Variants in SLFN12L observed in about 807,000 individuals in gnomAD.
The protein encoded by SLFN12L is schlafen family member 12 like, also known as schlafen family member 12-like.
A neutral mutation model predicts 34.8 loss-of-function variants in SLFN12L; 34 were observed. That is an observed-to-expected ratio of 0.98 (90% CI 0.74 to 1.30). The LOEUF is 1.30. Ranked by LOEUF, SLFN12L falls within the 50% of genes most tolerant of loss-of-function variation. SLFN12L has a pLI of 0.00. For synonymous variants in SLFN12L, 259 were observed against 247.5 expected (o/e 1.05, Z -0.44); for missense variants, 703 against 696.2 (o/e 1.01, Z -0.11).
At chr17:35,492,959 G>GGA (rs1567662506) in intron 2 of SLFN12L, among the ~76,000 whole-genome samples, 8 of 73,410 alleles carry the variant, frequency 1.1e-4, no homozygotes, top group African/African-American at 6.9e-4. Flanking sequence ...TCCCTTAGGG[G>GGA]AAAAAAAAAA....
Position 35,475,027 on chromosome 17 carries a change from C to T in SLFN12L, c.1735G>A (p.Ala579Thr), listed in dbSNP as rs1190973475. 1.9e-6 allele frequency: 3 copies of T among 1,603,054 alleles called. No homozygotes were observed. Among genetic ancestry groups the T allele is most frequent in the East Asian group, 4.5e-5 (2 of 44,558 alleles). Residue 579 changes from alanine to threonine, a missense_variant, in exon 5 of 5, where the codon GCC becomes ACC. Physicochemically the swap from Ala to Thr is moderately conservative, Grantham distance 58. Coordinates refer to ENST00000628453, the MANE Select transcript of SLFN12L (RefSeq NM_001363830.2). ...TAQTMKDLEK[A>T]LSNILPKENQ... ...TCCTTAGGTAAGATATTTGAAAGGG[C>T]CTTTTCCAAGTCTTTCATTGTTTGA...
At chr17:35,476,508 AGG>A (rs1414493811) in intron 4 of SLFN12L, among the ~76,000 whole-genome samples, 5 of 146,360 alleles carry the variant, frequency 3.4e-5, no homozygotes, top group African/African-American at 7.6e-5. Context: ...GAAGGAAGGA[AGG>A]AAGGAAGGAA....
At chr17:35,510,833 C>CAAA (rs34262146) in intron 2 of SLFN12L, among the ~76,000 whole-genome samples, 16,405 of 139,392 alleles carry the variant, frequency 0.12, 984 homozygotes, top group East Asian at 0.21. Flanking sequence ...GAATTCACAG[C>CAAA]AAAAAAAAAA....
chr17:35,528,022 C>G (rs967375360), intron 1 of SLFN12L, among the ~76,000 whole-genome samples: 6 of 152,234 alleles, frequency 3.9e-5, no homozygotes, highest in African/African-American at 7.2e-5. Flanking sequence ...GATACAAAAT[C>G]AATGTGCTAA....
At position 35,479,193 on chromosome 17, in the gene SLFN12L, G is replaced by C; in HGVS notation, c.1089C>G (p.Ser363=). 1 of 1,580,752 alleles carries C rather than the reference G, an allele frequency of 6.3e-7. No homozygotes were observed. Among genetic ancestry groups the C allele is most frequent in the Admixed American group, 1.8e-5 (1 of 55,040 alleles). The change falls in exon 3 of 5, where the codon TCC becomes TCG. Residue 363 remains serine, a synonymous_variant. Transcript: ENST00000628453. ...TAACTCTGTTATCTTTCACGTGCCA[G>C]GAATCAGGCTTTTTAGCAAACACTG... ...CCAVFAKKPD[S]WHVKDNRVKQ...
intron 1 of SLFN12L, among the ~76,000 whole-genome samples, chr17:35,531,778 G>A (rs1404490829): frequency 6.6e-6 from 1 of 151,730 alleles, no homozygotes; most frequent in Non-Finnish European, 1.5e-5. Context: ...CACCACGCCT[G>A]GCTAACTTTT....
intron 2 of SLFN12L, among the ~76,000 whole-genome samples, chr17:35,508,114 C>G (rs113463530): frequency 0.012 from 1,768 of 152,326 alleles, 14 homozygotes; most frequent in Non-Finnish European, 0.017. Flanking sequence ...GTGAAAATCC[C>G]TGTCCTGTTC....
intron 1 of SLFN12L, among the ~76,000 whole-genome samples, chr17:35,530,526 AG>A (rs1567694748): frequency 3.9e-4 from 18 of 46,568 alleles, no homozygotes; most frequent in Non-Finnish European, 5.8e-4. Flanking sequence ...AGAAAAGAAA[AG>A]AAAAGAAAAG....
At chr17:35,481,855 T>C (rs1025954489) in intron 2 of SLFN12L, among the ~76,000 whole-genome samples, 12 of 151,886 alleles carry the variant, frequency 7.9e-5, no homozygotes, top group African/African-American at 2.4e-4. Flanking sequence ...TGTTGTTTGT[T>C]TTTTGTTTTT....
At chr17:35,536,822 T>A (rs1189525650) in intron 1 of SLFN12L, among the ~76,000 whole-genome samples, 2 of 140,282 alleles carry the variant, frequency 1.4e-5, no homozygotes, top group South Asian at 2.3e-4. Context: ...AAAAAAAAAA[T>A]AAGAAAAATA....
chr17:35,537,420 C>G (rs1002655302), intron 1 of SLFN12L, among the ~76,000 whole-genome samples, 153 bp downstream of exon 1: 8 of 152,342 alleles, frequency 5.3e-5, no homozygotes, highest in Middle Eastern at 3.4e-3. Context: ...CCTAAAGTGT[C>G]TACTTCATCC....
intron 2 of SLFN12L, among the ~76,000 whole-genome samples, chr17:35,492,333 CTT>C (rs376840881): frequency 1.3e-3 from 202 of 152,260 alleles, no homozygotes; most frequent in Middle Eastern, 0.01. Flanking sequence ...GGTTGGGTGA[CTT>C]AGCCCCAAGG....
At chr17:35,491,055 C>T in intron 2 of SLFN12L, 1 of 786,072 alleles carries the variant, frequency 1.3e-6, no homozygotes, top group South Asian at 1.3e-5. Context: ...GACCAAATTC[C>T]TTCTAATCCT....
rs567017418 is a variant in SLFN12L, at chr17:35,512,369, T to C, written c.86+9910A>G. On this transcript the variant is annotated intron_variant, in intron 2 of 4. Coordinates refer to ENST00000628453, the MANE Select transcript of SLFN12L (RefSeq NM_001363830.2). ...TTTAAAAAAGAGCTGATTTTTTTTTTTTTTTTTTTTTTTTGAAACGGAGTC... is the reference window on the plus strand; with the variant it reads ...TTTAAAAAAGAGCTGATTTTTTTTTCTTTTTTTTTTTTTTGAAACGGAGTC... 8.4e-3 allele frequency among the ~76,000 whole-genome samples: 1,129 copies of C among 134,788 alleles called. 19 individuals are homozygous for C. The highest frequency in any genetic ancestry group is 0.031 in the African/African-American group (1,063 of 34,134). 88.4% of individuals were successfully genotyped at this position (134,788 alleles called of 152,430 possible). A position where few individuals can be genotyped will look rare whatever the true frequency, so the allele number is the denominator to read the frequency against.
At chr17:35,490,002 C>T (rs1364675990) in intron 2 of SLFN12L, 2 of 1,575,628 alleles carry the variant, frequency 1.3e-6, no homozygotes, top group Non-Finnish European at 1.7e-6. Context: ...AAAGAAATAT[C>T]CGACATCCAG....
At chr17:35,495,653 G>A (rs1915027779) in intron 2 of SLFN12L, among the ~76,000 whole-genome samples, 2 of 151,846 alleles carry the variant, frequency 1.3e-5, no homozygotes, top group South Asian at 4.2e-4. Context: ...AGAAGCTTCG[G>A]CCCGCGCCCA....
chr17:35,471,119 C>A lies in SLFN12L; in HGVS notation c.*3804G>T, dbSNP rs892269703. Among the ~76,000 whole-genome samples the A allele has an allele frequency of 1.1e-4, 15 of 140,344 alleles. No individual in the cohort carries two copies. The highest frequency in any genetic ancestry group is 3.6e-4 in the African/African-American group (13 of 35,832). 92.1% of individuals were successfully genotyped at this position (140,344 alleles called of 152,430 possible). On this transcript the variant is annotated 3_prime_UTR_variant, in exon 5 of 5. Transcript: ENST00000628453. ...CTATTGTAAATAGTGGGGCAATAAA[C>A]ATATGTGTGCATGTGTCTTTTTTTT...
At chr17:35,493,527 T>C (rs565140180) in intron 2 of SLFN12L, among the ~76,000 whole-genome samples, 1 of 152,342 alleles carries the variant, frequency 6.6e-6, no homozygotes, top group South Asian at 2.1e-4. Flanking sequence ...ATGAAAGGAA[T>C]ACTAATAAGT....
intron 3 of SLFN12L, 44 bp from the exon 4 acceptor site, chr17:35,478,229 G>A (rs1345648316): frequency 7.7e-7 from 1 of 1,303,396 alleles, no homozygotes; most frequent in East Asian, 2.6e-5. Flanking sequence ...TCTTAATTTG[G>A]CATGGGAGAG....
Sources: allele counts gnomAD v4.1 joint callset (sites outside exome capture counted in the v4.1 genomes callset), GRCh38; gene constraint gnomAD v4.1.1; transcripts MANE v1.5; gene names NCBI Gene and HGNC (gene_info 2026-07-23, HGNC 2026-07-21).